The following B3GALT1 variants were observed in gnomAD, a reference collection of about 807,000 sequenced individuals.
The protein encoded by B3GALT1 is beta-1,3-galactosyltransferase 1.
Under a neutral mutation model 23.2 loss-of-function variants are expected in B3GALT1, and 10 were observed. That is an observed-to-expected ratio of 0.43 (90% CI 0.27 to 0.73). The LOEUF is 0.73. B3GALT1 is among the 30% of genes least tolerant of loss of function. The pLI is 0.21. For missense variants in B3GALT1, 299 were observed against 405.4 expected (o/e 0.74, Z 2.25); for synonymous variants, 156 against 141.5 (o/e 1.10, Z -0.73).
intron 3 of B3GALT1, among the ~76,000 whole-genome samples, chr2:167,661,473 T>C (rs377032913): frequency 3.9e-5 from 6 of 152,170 alleles, no homozygotes; most frequent in African/African-American, 1.2e-4. Context: ...TAAACTGTTA[T>C]TCAAGAGAAG....
intron 3 of B3GALT1, among the ~76,000 whole-genome samples, chr2:167,723,735 T>C (rs1286837759): frequency 1.3e-5 from 2 of 152,152 alleles, no homozygotes; most frequent in Non-Finnish European, 2.9e-5. Context: ...TTCACCATAC[T>C]GGTCAGGCTG....
At chr2:167,682,299 A>G (rs916615251) in intron 3 of B3GALT1, among the ~76,000 whole-genome samples, 1 of 152,248 alleles carries the variant, frequency 6.6e-6, no homozygotes, top group Non-Finnish European at 1.5e-5. Context: ...TCAACGAATT[A>G]AAAGTATCAA....
chr2:167,563,725 C>G (rs186572077), intron 2 of B3GALT1, among the ~76,000 whole-genome samples: 1 of 5,626 alleles, frequency 1.8e-4, no homozygotes. Flanking sequence ...CTCCCAGCAG[C>G]GGCGGCCGGG....
intron 4 of B3GALT1, among the ~76,000 whole-genome samples, chr2:167,864,017 T>C (rs1320215541): frequency 6.7e-6 from 1 of 149,056 alleles, no homozygotes; most frequent in Non-Finnish European, 1.5e-5. Context: ...TGTGTGTGTG[T>C]GTGTGTGTGT....
At chr2:167,739,668 A>G (rs562790421) in intron 3 of B3GALT1, among the ~76,000 whole-genome samples, 10 of 152,256 alleles carry the variant, frequency 6.6e-5, no homozygotes, top group Non-Finnish European at 1.3e-4. Flanking sequence ...CAGCTTTCAT[A>G]TCACTGGACT....
intron 1 of B3GALT1, among the ~76,000 whole-genome samples, chr2:167,450,937 C>G (rs1024387849): frequency 6.6e-6 from 1 of 151,792 alleles, no homozygotes; most frequent in Non-Finnish European, 1.5e-5. Flanking sequence ...AATTCGGAAA[C>G]TTTGTCTTTG....
chr2:167,313,587 A>G (rs1425405514), intron 1 of B3GALT1, among the ~76,000 whole-genome samples: 10 of 152,124 alleles, frequency 6.6e-5, no homozygotes, highest in Non-Finnish European at 8.8e-5. Context: ...AATACAGATC[A>G]TCCCATTCGT....
chr2:167,505,327 G>A (rs1415182899), intron 2 of B3GALT1, among the ~76,000 whole-genome samples: 1 of 152,038 alleles, frequency 6.6e-6, no homozygotes, highest in Non-Finnish European at 1.5e-5. Context: ...GAAATAAAAG[G>A]GGAGGAACAA....
intron 1 of B3GALT1, among the ~76,000 whole-genome samples, chr2:167,464,308 T>G: frequency 6.6e-6 from 1 of 152,186 alleles, no homozygotes; most frequent in South Asian, 2.1e-4. Context: ...TGCAAGTTCT[T>G]GATCTGTATG....
chr2:167,474,149 G>A (rs889416953), intron 1 of B3GALT1, among the ~76,000 whole-genome samples: 3 of 152,122 alleles, frequency 2.0e-5, no homozygotes, highest in African/African-American at 7.2e-5. Context: ...TATAGGATAC[G>A]CCATCTTAAT....
At chr2:167,635,153 C>T (rs1181813635) in intron 2 of B3GALT1, among the ~76,000 whole-genome samples, 1 of 152,054 alleles carries the variant, frequency 6.6e-6, no homozygotes. Context: ...TCAACACCCC[C>T]TTTATGCTAA....
chr2:167,485,706 T>G (rs16853634), intron 1 of B3GALT1, among the ~76,000 whole-genome samples: 1 of 152,206 alleles, frequency 6.6e-6, no homozygotes, highest in African/African-American at 2.4e-5. Flanking sequence ...TGAATTAATC[T>G]AAACTATGCA....
intron 1 of B3GALT1, among the ~76,000 whole-genome samples, chr2:167,416,239 T>A (rs911624363): frequency 6.6e-6 from 1 of 152,208 alleles, no homozygotes; most frequent in African/African-American, 2.4e-5. Flanking sequence ...GACTCAGGCC[T>A]GCTGCCCAGG....
At chr2:167,373,163 A>T (rs974310994) in intron 1 of B3GALT1, among the ~76,000 whole-genome samples, 1 of 152,124 alleles carries the variant, frequency 6.6e-6, no homozygotes, top group Non-Finnish European at 1.5e-5. Context: ...GCAATTGGAT[A>T]AGTTTATGAG....
intron 3 of B3GALT1, among the ~76,000 whole-genome samples, chr2:167,655,370 T>C (rs1159270205): frequency 6.6e-6 from 1 of 152,064 alleles, no homozygotes; most frequent in Non-Finnish European, 1.5e-5. Flanking sequence ...AGAAGAAAAG[T>C]AAAACTGAAG....
intron 2 of B3GALT1, among the ~76,000 whole-genome samples, chr2:167,515,304 G>A (rs1175210100): frequency 1.3e-5 from 2 of 152,140 alleles, no homozygotes; most frequent in Non-Finnish European, 2.9e-5. Flanking sequence ...TACTTCAAGT[G>A]TTATTATTAC....
intron 3 of B3GALT1, among the ~76,000 whole-genome samples, chr2:167,761,891 G>A (rs1052966046): frequency 6.6e-6 from 1 of 152,162 alleles, no homozygotes; most frequent in African/African-American, 2.4e-5. Context: ...TCTGTTAAAT[G>A]TCCAAGTTCT....
chr2:167,350,358 G>A (rs1697290938), intron 1 of B3GALT1, among the ~76,000 whole-genome samples: 1 of 152,118 alleles, frequency 6.6e-6, no homozygotes, highest in African/African-American at 2.4e-5. Flanking sequence ...TTAATTTCTG[G>A]ATTTCTTATA....
At chr2:167,301,075 T>C (rs1696436773) in intron 1 of B3GALT1, among the ~76,000 whole-genome samples, 1 of 152,184 alleles carries the variant, frequency 6.6e-6, no homozygotes, top group South Asian at 2.1e-4. Flanking sequence ...TTGGGCACAG[T>C]AAGCATTATC....
Sources: allele counts gnomAD v4.1 joint callset (sites outside exome capture counted in the v4.1 genomes callset), GRCh38; gene constraint gnomAD v4.1.1; transcripts MANE v1.5; gene names NCBI Gene and HGNC (gene_info 2026-07-23, HGNC 2026-07-21).